The following FBXW7 variants were observed in gnomAD, a reference collection of about 807,000 sequenced individuals.
FBXW7 encodes F-box and WD repeat domain containing 7.
In FBXW7, 11 loss-of-function variants were observed where a neutral mutation model predicts 86.3. The ratio of observed to expected loss-of-function variants is 0.13; its 90% CI spans 0.08 to 0.21. FBXW7 has a LOEUF of 0.21. Among genes scored for constraint, FBXW7 ranks in the 10% least tolerant of loss-of-function variants. The pLI, the probability that FBXW7 is intolerant of heterozygous loss-of-function variation, is 1.00. For synonymous variants in FBXW7, 313 were observed against 297.9 expected, an observed-to-expected ratio of 1.05 and a Z score of -0.52; for missense variants, 488 against 847.4, an observed-to-expected ratio of 0.58 and a Z score of 5.27.
chr4:152,321,465 AG>A lies in FBXW7; in HGVS notation c.*1415del, dbSNP rs1578862597. 1 of 232,910 alleles carries A rather than the reference AG, an allele frequency of 4.3e-6. No individual in the cohort carries two copies. Among genetic ancestry groups the A allele is most frequent in the East Asian group, 6.1e-5 (1 of 16,500 alleles). 14.4% of individuals were successfully genotyped at this position (232,910 alleles called of 1,614,324 possible). A position where few individuals can be genotyped will look rare whatever the true frequency, so the allele number is the denominator to read the frequency against. On this transcript the variant is annotated 3_prime_UTR_variant, in exon 14 of 14. Coordinates refer to ENST00000281708, the MANE Select transcript of FBXW7 (RefSeq NM_001349798.2). ...AAAAAATAAACAGAAGGAGGAAAAA[AG>A]ATCGCCTAGGATACAGTGTTAAACC...
At chr4:152,459,431 A>T (rs761056118) in intron 2 of FBXW7, among the ~76,000 whole-genome samples, 3 of 152,234 alleles carry the variant, frequency 2.0e-5, no homozygotes, top group Non-Finnish European at 4.4e-5. Context: ...AACAGTAGCC[A>T]TACTGTTGTA....
At chr4:152,333,515 ACTGATTATT>A in intron 7 of FBXW7, among the ~76,000 whole-genome samples, 1 of 152,196 alleles carries the variant, frequency 6.6e-6, no homozygotes, top group East Asian at 1.9e-4. Context: ...ATAGCCTCTG[ACTGATTATT>A]CAAGTAGCCT....
chr4:152,493,339 A>G (rs913221099), intron 2 of FBXW7, among the ~76,000 whole-genome samples: 1 of 151,890 alleles, frequency 6.6e-6, no homozygotes, highest in African/African-American at 2.4e-5. Context: ...TTATTTTTGT[A>G]TCTTTAGCAG....
intron 8 of FBXW7, among the ~76,000 whole-genome samples, chr4:152,331,156 G>A (rs1729530519): frequency 6.6e-6 from 1 of 152,028 alleles, no homozygotes; most frequent in African/African-American, 2.4e-5. Flanking sequence ...TGGTGCAGCT[G>A]CTGTGGAAAA....
chr4:152,461,541 T>C (rs77289647), intron 2 of FBXW7, among the ~76,000 whole-genome samples: 2,451 of 152,294 alleles, frequency 0.016, 75 homozygotes, highest in African/African-American at 0.056. Flanking sequence ...CCTTTGAACA[T>C]AGGACTCCTT....
chr4:152,335,057 T>C (rs1340763279), intron 7 of FBXW7, among the ~76,000 whole-genome samples: 1 of 152,192 alleles, frequency 6.6e-6, no homozygotes, highest in African/African-American at 2.4e-5. Context: ...ATTAGTTGCA[T>C]GATTCTTACT....
chr4:152,390,946 G>A (rs970755341), intron 4 of FBXW7, among the ~76,000 whole-genome samples: 3 of 151,842 alleles, frequency 2.0e-5, no homozygotes, highest in Non-Finnish European at 2.9e-5. Context: ...TTTATCTTAT[G>A]AAAAATAAAA....
At chr4:152,375,970 G>A (rs1734472797) in intron 4 of FBXW7, among the ~76,000 whole-genome samples, 1 of 152,022 alleles carries the variant, frequency 6.6e-6, no homozygotes, top group Admixed American at 6.6e-5. Flanking sequence ...TATTTATATG[G>A]CAGATTATAT....
chr4:152,487,876 T>C (rs1453033066), intron 2 of FBXW7, among the ~76,000 whole-genome samples: 1 of 152,086 alleles, frequency 6.6e-6, no homozygotes, highest in African/African-American at 2.4e-5. Context: ...AACAACCGTT[T>C]TGAAGAACTT....
At chr4:152,428,277 G>C (rs754748199) in intron 2 of FBXW7, among the ~76,000 whole-genome samples, 1 of 151,964 alleles carries the variant, frequency 6.6e-6, no homozygotes, top group African/African-American at 2.4e-5. Flanking sequence ...CAAACAGAGA[G>C]GCCATACCAA....
rs979288264 is a variant in FBXW7, at chr4:152,496,374, C to T, written c.-120+38567G>A. Among the ~76,000 whole-genome samples the T allele has an allele frequency of 5.9e-5, 9 of 151,880 alleles. No individual in the cohort carries two copies. The East Asian group carries it at 1.7e-3, about 29-fold the overall frequency. The stretch of plus-strand genomic sequence containing the variant: ...TCATAAAAACCTAAAAAAAAAAAAT[C>T]TAATGAAGACTTCTATCAAGAAAAA... On this transcript the variant is annotated intron_variant, in intron 2 of 13. Transcript: ENST00000281708.
At chr4:152,421,290 A>C (rs1169158287) in intron 2 of FBXW7, among the ~76,000 whole-genome samples, 3 of 152,146 alleles carry the variant, frequency 2.0e-5, no homozygotes, top group African/African-American at 7.2e-5. Flanking sequence ...GTTTAAGGGA[A>C]TGTTATGGTT....
chr4:152,382,736 AAAAAT>A (rs1288806578), intron 4 of FBXW7, among the ~76,000 whole-genome samples: 1 of 152,164 alleles, frequency 6.6e-6, no homozygotes, highest in African/African-American at 2.4e-5. Context: ...TTTTACTTAC[AAAAAT>A]AAAATAAAAA....
rs151259094 is a variant in FBXW7 at position 152,392,597 on chromosome 4, A to G, written c.501+18706T>C. ...TCAGCCCTCCTCAAATTACAAACCTATAAGAACAATGAGAAATAATAAAAT... is the reference window on the plus strand; with the variant it reads ...TCAGCCCTCCTCAAATTACAAACCTGTAAGAACAATGAGAAATAATAAAAT... On this transcript the variant is annotated intron_variant, in intron 4 of 13. Coordinates refer to ENST00000281708, the MANE Select transcript of FBXW7 (RefSeq NM_001349798.2). Among the ~76,000 whole-genome samples the G allele has an allele frequency of 1.1e-4, 16 of 152,306 alleles. No individual in the cohort carries two copies. In the South Asian group the frequency reaches 2.9e-3, roughly 28 times the overall value.
intron 2 of FBXW7, among the ~76,000 whole-genome samples, chr4:152,458,162 G>A (rs992377487): frequency 5.3e-5 from 8 of 152,178 alleles, no homozygotes; most frequent in African/African-American, 1.9e-4. Flanking sequence ...TGGGATTACA[G>A]GCACGCACCA....
At chr4:152,370,186 A>G (rs1329326986) in intron 4 of FBXW7, among the ~76,000 whole-genome samples, 1 of 152,032 alleles carries the variant, frequency 6.6e-6, no homozygotes, top group Non-Finnish European at 1.5e-5. Flanking sequence ...ATTGTTCCCA[A>G]GTGAACTATA....
intron 4 of FBXW7, among the ~76,000 whole-genome samples, chr4:152,402,796 G>GCAAT (rs1414727936): frequency 1.1e-4 from 17 of 152,194 alleles, no homozygotes; most frequent in Admixed American, 3.3e-4. Context: ...GAATATGGCA[G>GCAAT]CAATCTTCTC....
At chr4:152,357,221 A>AAT (rs1169150865) in intron 4 of FBXW7, among the ~76,000 whole-genome samples, 1 of 152,160 alleles carries the variant, frequency 6.6e-6, no homozygotes, top group Non-Finnish European at 1.5e-5. Flanking sequence ...GGATGTTTAT[A>AAT]ATATATATAA....
intron 6 of FBXW7, among the ~76,000 whole-genome samples, chr4:152,340,104 T>C: frequency 6.6e-6 from 1 of 152,126 alleles, no homozygotes; most frequent in Middle Eastern, 3.4e-3. Context: ...AAAAAGTACA[T>C]GGAAAAAAAT....
Sources: gnomAD v4.1 joint callset for allele counts (sites outside exome capture counted in the v4.1 genomes callset) on GRCh38, gnomAD v4.1.1 for gene constraint, MANE v1.5 for transcripts, NCBI Gene and HGNC (gene_info 2026-07-23, HGNC 2026-07-21) for gene names.